Variants in THSD7A observed in about 807,000 individuals in gnomAD.
The protein encoded by THSD7A is thrombospondin type-1 domain-containing protein 7A.
THSD7A carries 96 observed loss-of-function variants against 231.3 expected under a neutral mutation model. That is an observed-to-expected ratio of 0.41 (90% CI 0.35 to 0.49). The LOEUF (loss-of-function observed/expected upper bound fraction) is 0.49, where lower values mean the gene tolerates loss of function less well. Among genes scored for constraint, THSD7A ranks in the 20% least tolerant of loss-of-function variants. THSD7A has a pLI of 0.05. For missense variants in THSD7A, 2,290 were observed against 2,070.2 expected (o/e 1.11, Z -2.06); for synonymous variants, 940 against 743.3 (o/e 1.26, Z -4.30).
intron 1 of THSD7A, among the ~76,000 whole-genome samples, chr7:11,817,407 G>A (rs994432382): frequency 2.6e-5 from 4 of 152,204 alleles, no homozygotes; most frequent in Non-Finnish European, 4.4e-5. Flanking sequence ...GGGGCAGAAT[G>A]TCTCTGCATT....
chr7:11,419,853 T>C (rs1784086519), intron 16 of THSD7A, among the ~76,000 whole-genome samples: 1 of 152,218 alleles, frequency 6.6e-6, no homozygotes, highest in South Asian at 2.1e-4. Context: ...AGCCCACTTT[T>C]GCTATACTTT....
intron 13 of THSD7A, among the ~76,000 whole-genome samples, chr7:11,442,699 T>C (rs779932466): frequency 2.0e-5 from 3 of 152,054 alleles, no homozygotes; most frequent in East Asian, 3.9e-4. Context: ...AAATCAGGCA[T>C]TGGAGACTCA....
chr7:11,580,982 G>T (rs934923730), intron 4 of THSD7A, among the ~76,000 whole-genome samples: 1 of 152,074 alleles, frequency 6.6e-6, no homozygotes, highest in Non-Finnish European at 1.5e-5. Flanking sequence ...AGTATTTGTT[G>T]AGTGAATGAA....
chr7:11,482,785 C>G (rs1742050350), intron 6 of THSD7A, among the ~76,000 whole-genome samples: 1 of 152,148 alleles, frequency 6.6e-6, no homozygotes. Flanking sequence ...GCCCTTGACA[C>G]TCTAGAGATT....
In THSD7A at chr7:11,636,438, G is replaced by A; in HGVS notation, c.714C>T (p.Phe238=). ...CGCATGGACTGGATTGGCACACCTG[G>A]AACTCCGTCAGGTTTGGACAGCCAG... ...GGSGCPNLTE[F]QVCQSSPCEA... Residue 238 remains phenylalanine (F), a synonymous_variant, in exon 2 of 28, where the codon TTC becomes TTT. Coordinates refer to ENST00000423059, the MANE Select transcript of THSD7A (RefSeq NM_015204.3). The surrounding 1 kb of genome is among the most constrained non-coding windows in gnomAD (Gnocchi z 10.0). 6.2e-7 allele frequency: 1 copy of A among 1,613,592 alleles called. No homozygotes were observed. The highest frequency in any genetic ancestry group is 1.3e-5 in the African/African-American group (1 of 75,036).
At chr7:11,457,521 T>G (rs1785348432) in intron 11 of THSD7A, among the ~76,000 whole-genome samples, 1 of 152,098 alleles carries the variant, frequency 6.6e-6, no homozygotes, top group Admixed American at 6.6e-5. Flanking sequence ...ACTTCAACCT[T>G]GCACTGCTAC....
intron 1 of THSD7A, among the ~76,000 whole-genome samples, chr7:11,783,609 A>T (rs1783699122): frequency 6.6e-6 from 1 of 152,164 alleles, no homozygotes; most frequent in South Asian, 2.1e-4. Flanking sequence ...CCTCATGCAT[A>T]GGCAGGCAAA....
chr7:11,805,053 G>A (rs531291038), intron 1 of THSD7A, among the ~76,000 whole-genome samples: 4 of 152,110 alleles, frequency 2.6e-5, no homozygotes, highest in South Asian at 4.2e-4. Context: ...ATCTAGGGCC[G>A]ATATTGTAGT....
intron 11 of THSD7A, among the ~76,000 whole-genome samples, chr7:11,449,671 T>C (rs1052708709): frequency 3.3e-5 from 5 of 152,048 alleles, no homozygotes; most frequent in African/African-American, 1.2e-4. Context: ...TAACACAGTG[T>C]AGGAGAAATC....
At chr7:11,645,518 G>A (rs1296906355) in intron 1 of THSD7A, among the ~76,000 whole-genome samples, 1 of 151,686 alleles carries the variant, frequency 6.6e-6, no homozygotes, top group East Asian at 1.9e-4. Flanking sequence ...TACGTTAAAT[G>A]CATCAGAAGT....
intron 1 of THSD7A, among the ~76,000 whole-genome samples, chr7:11,666,253 G>C (rs1783126673): frequency 1.3e-5 from 2 of 151,860 alleles, no homozygotes; most frequent in African/African-American, 4.8e-5. Flanking sequence ...GAGATATCTT[G>C]GTGGTAGAAC....
At chr7:11,816,344 T>C (rs1346866459) in intron 1 of THSD7A, among the ~76,000 whole-genome samples, 2 of 152,204 alleles carry the variant, frequency 1.3e-5, no homozygotes, top group Admixed American at 6.5e-5. Context: ...AATGTATGTT[T>C]TTATACAGAT....
intron 23 of THSD7A, among the ~76,000 whole-genome samples, chr7:11,391,450 G>A (rs569389781): frequency 6.6e-6 from 1 of 150,398 alleles, no homozygotes; most frequent in African/African-American, 2.4e-5. Flanking sequence ...CCCCTCCCCA[G>A]CTCGAGCATC....
intron 1 of THSD7A, among the ~76,000 whole-genome samples, chr7:11,668,641 T>C (rs1783251404): frequency 6.6e-6 from 1 of 152,102 alleles, no homozygotes. Context: ...AGTGAACATG[T>C]ATAAGACACA....
At chr7:11,561,233 T>A (rs567827232) in intron 4 of THSD7A, among the ~76,000 whole-genome samples, 1 of 152,180 alleles carries the variant, frequency 6.6e-6, no homozygotes, top group Non-Finnish European at 1.5e-5. Flanking sequence ...ATATGCATAT[T>A]TATTTAATAT....
rs1266041887 is a variant in THSD7A at position 11,373,465 on chromosome 7, C to T, written c.*2329G>A. The T allele has an allele frequency of 6.6e-6, 1 of 151,874 alleles. No homozygotes were observed. Among genetic ancestry groups the T allele is most frequent in the African/African-American group, 2.4e-5 (1 of 41,392 alleles). 9.4% of individuals were successfully genotyped at this position (151,874 alleles called of 1,614,324 possible). On this transcript the variant is annotated 3_prime_UTR_variant, in exon 28 of 28. Coordinates refer to ENST00000423059, the MANE Select transcript of THSD7A (RefSeq NM_015204.3). ...TTTTAAAGTAACAATATTATTTTTT[C>T]TTCCTCTTTAATAAAACAGATAAAA...
chr7:11,408,788 A>G (rs1017852552), intron 19 of THSD7A, among the ~76,000 whole-genome samples: 18 of 152,136 alleles, frequency 1.2e-4, no homozygotes, highest in African/African-American at 3.9e-4. Context: ...CACTCCCATT[A>G]TATTCTACAC....
chr7:11,602,306 G>C (rs1780580492), intron 2 of THSD7A, among the ~76,000 whole-genome samples: 1 of 152,076 alleles, frequency 6.6e-6, no homozygotes, highest in Admixed American at 6.6e-5. Context: ...ATATGTGTGT[G>C]TGTATGTGTA....
In THSD7A at chr7:11,510,840, A is replaced by C. The variant is rs186964462; in HGVS notation, c.1823-28858T>G. ...ATGGGTCTGTCATAAATGAATGGGC[A>C]AAAACTGGAAGCATTCCCTTTGAAA... On this transcript the variant is annotated intron_variant, in intron 6 of 27. Transcript: ENST00000423059. 3.7e-4 allele frequency among the ~76,000 whole-genome samples: 57 copies of C among 152,304 alleles called. 1 individual carries two copies. The East Asian group carries it at 0.01, about 27-fold the overall frequency.
Sources: gnomAD v4.1 joint callset for allele counts (sites outside exome capture counted in the v4.1 genomes callset) on GRCh38, gnomAD v4.1.1 for gene constraint, Gnocchi (gnomAD v3.1) non-coding constraint, MANE v1.5 for transcripts, NCBI Gene and HGNC (gene_info 2026-07-23, HGNC 2026-07-21) for gene names.